Variants in PLPP3 observed in about 807,000 individuals in gnomAD.
The protein encoded by PLPP3 is phospholipid phosphatase 3.
In PLPP3, 6 loss-of-function variants were observed where a neutral mutation model predicts 29.6. The ratio of observed to expected loss-of-function variants is 0.20; its 90% confidence interval spans 0.11 to 0.40. The LOEUF is 0.40. Among genes scored for constraint, PLPP3 ranks in the 10% least tolerant of loss-of-function variants. The pLI is 1.00. For missense variants in PLPP3, 308 were observed against 407.7 expected (o/e 0.76, Z 2.11); for synonymous variants, 152 against 159.7 (o/e 0.95, Z 0.36).
chr1:56,557,000 A>AAAGAAAGAAAG (rs1557513453), intron 1 of PLPP3, among the ~76,000 whole-genome samples: 1 of 10,724 alleles, frequency 9.3e-5, no homozygotes, highest in East Asian at 2.0e-3. Context: ...GAAAGAAAGA[A>AAAGAAAGAAAG]AGAAAGAAAG....
intron 5 of PLPP3, among the ~76,000 whole-genome samples, chr1:56,504,531 T>C (rs748804235): frequency 8.6e-5 from 13 of 151,936 alleles, no homozygotes; most frequent in Non-Finnish European, 1.6e-4. Flanking sequence ...CCAGAAACCA[T>C]CCAATTTTGA....
At chr1:56,531,882 T>C (rs888054789) in intron 2 of PLPP3, among the ~76,000 whole-genome samples, 3 of 152,174 alleles carry the variant, frequency 2.0e-5, no homozygotes, top group Admixed American at 2.0e-4. Context: ...GAGTTTCTGG[T>C]CCATTAAATA....
chr1:56,552,376 G>C (rs934961517), intron 1 of PLPP3, among the ~76,000 whole-genome samples: 5 of 152,030 alleles, frequency 3.3e-5, no homozygotes, highest in African/African-American at 1.2e-4. Context: ...GGTGATTTGA[G>C]AATCACTACT....
intron 5 of PLPP3, among the ~76,000 whole-genome samples, chr1:56,497,111 T>C (rs1645635787): frequency 6.6e-6 from 1 of 152,250 alleles, no homozygotes; most frequent in African/African-American, 2.4e-5. Context: ...TCAGCCAACA[T>C]GAACTCCTAT....
chr1:56,558,520 T>C (rs1343993684), intron 1 of PLPP3, among the ~76,000 whole-genome samples: 1 of 152,264 alleles, frequency 6.6e-6, no homozygotes, highest in Admixed American at 6.5e-5. Context: ...ATGCATTTAT[T>C]TGTTCCAAAG....
chr1:56,527,961 C>T (rs1179322559), intron 2 of PLPP3, among the ~76,000 whole-genome samples: 2 of 152,056 alleles, frequency 1.3e-5, no homozygotes, highest in African/African-American at 4.8e-5. Flanking sequence ...ATAAGCTCTT[C>T]CCTCCCCCTC....
chr1:56,514,667 A>C, intron 4 of PLPP3, among the ~76,000 whole-genome samples: 1 of 152,232 alleles, frequency 6.6e-6, no homozygotes, highest in East Asian at 1.9e-4. Context: ...AGGAAAGAAT[A>C]CTTATTTGAC....
rs1273560377 is a variant in PLPP3 at position 56,557,018 on chromosome 1, G to GAAAGAAGGAAAGAAAGAAAGAAA, written c.140-19907_140-19906insTTTCTTTCTTTCTTTCCTTCTTT. On this transcript the variant is annotated intron_variant, in intron 1 of 5. Transcript: ENST00000371250. Reference sequence around the variant, plus strand: ...AGAAAGAAAGAAAGAAAGAGAGAGAGAGAGAGAAAGAGAGAGAGAGAGAGA... The same window carrying GAAAGAAGGAAAGAAAGAAAGAAA: ...AGAAAGAAAGAAAGAAAGAGAGAGAGAAAGAAGGAAAGAAAGAAAGAAAAGAGAGAAAGAGAGAGAGAGAGAGA... Among the ~76,000 whole-genome samples the GAAAGAAGGAAAGAAAGAAAGAAA allele has an allele frequency of 6.5e-4, 9 of 13,798 alleles. 1 individual carries two copies. Among genetic ancestry groups the GAAAGAAGGAAAGAAAGAAAGAAA allele is most frequent in the Admixed American group, 4.7e-3 (4 of 846 alleles). The allele number at this position is 13,798 out of a possible 152,430, so 9.1% of individuals were successfully genotyped here.
chr1:56,496,417 T>C lies in PLPP3; in HGVS notation c.*134A>G. On this transcript the variant is annotated 3_prime_UTR_variant, in exon 6 of 6. Coordinates refer to ENST00000371250, the MANE Select transcript of PLPP3 (RefSeq NM_003713.5). ...TTTTGGAAGGCCACATAGTAAAACATTTTTTTTTTCCTTTTTAAAAATCAG... is the reference window on the plus strand; with the variant it reads ...TTTTGGAAGGCCACATAGTAAAACACTTTTTTTTTCCTTTTTAAAAATCAG... The C allele has an allele frequency of 2.2e-6, 2 of 914,486 alleles. No homozygotes were observed. The highest frequency in any genetic ancestry group is 3.2e-5 in the East Asian group (1 of 30,840). 56.6% of individuals were successfully genotyped at this position (914,486 alleles called of 1,614,324 possible). A position where few individuals can be genotyped will look rare whatever the true frequency, so the allele number is the denominator to read the frequency against.
chr1:56,533,903 G>A (rs112429198), intron 2 of PLPP3, among the ~76,000 whole-genome samples: 8,548 of 152,226 alleles, frequency 0.056, 325 homozygotes, highest in Non-Finnish European at 0.079. Context: ...CTCTAGTTAG[G>A]AATATTATTA....
intron 4 of PLPP3, among the ~76,000 whole-genome samples, chr1:56,514,833 T>C (rs528122540): frequency 1.3e-5 from 2 of 152,312 alleles, no homozygotes; most frequent in South Asian, 4.1e-4. Flanking sequence ...TGGGTCACTA[T>C]AGGCAATACC....
At chr1:56,537,139 A>G (rs2100266083) in intron 1 of PLPP3, 27 bp from the exon 2 acceptor site, 1 of 1,594,860 alleles carries the variant, frequency 6.3e-7, no homozygotes, top group East Asian at 2.2e-5. Flanking sequence ...CATGGCATAT[A>G]CCAGAAAAAA....
rs1326912977 is a variant in PLPP3, at chr1:56,551,304, C to CTTT, written c.140-14193_140-14192insAAA. Among the ~76,000 whole-genome samples the CTTT allele has an allele frequency of 1.1e-3, 158 of 137,814 alleles. 5 individuals are homozygous for CTTT. Among genetic ancestry groups the CTTT allele is most frequent in the Middle Eastern group, 3.6e-3 (1 of 274 alleles). The allele number at this position is 137,814 out of a possible 152,430, so 90.4% of individuals were successfully genotyped here. On this transcript the variant is annotated intron_variant, in intron 1 of 5. Transcript: ENST00000371250. ...GGGTTTGGTTTGGTTCGGTTCGGTT[C>CTTT]GGTTCGGTTCGGTTCGGTTTGGTGG...
At chr1:56,557,032 GAGAGAGAGAGAGAGAGA>G (rs1646086325) in intron 1 of PLPP3, among the ~76,000 whole-genome samples, 3 of 11,112 alleles carry the variant, frequency 2.7e-4, no homozygotes, top group Admixed American at 1.3e-3. Context: ...GAGAAAGAGA[GAGAGAGAGAGAGAGAGA>G]GAGAGAGAGA....
chr1:56,503,959 T>C (rs1366982921), intron 5 of PLPP3, among the ~76,000 whole-genome samples: 1 of 152,072 alleles, frequency 6.6e-6, no homozygotes, highest in Non-Finnish European at 1.5e-5. Flanking sequence ...TGTATTTTTT[T>C]AGTAGAGACG....
At chr1:56,540,420 C>T (rs1423060296) in intron 1 of PLPP3, among the ~76,000 whole-genome samples, 1 of 151,844 alleles carries the variant, frequency 6.6e-6, no homozygotes, top group Non-Finnish European at 1.5e-5. Flanking sequence ...ACTGTGGACA[C>T]TCAATGAATG....
intron 1 of PLPP3, among the ~76,000 whole-genome samples, chr1:56,540,778 T>C (rs763020035): frequency 4.6e-5 from 7 of 152,242 alleles, no homozygotes; most frequent in Non-Finnish European, 1.0e-4. Context: ...CTTCAGTTGA[T>C]GGGAAAAGCA....
At chr1:56,520,368 G>C (rs1168451623) in intron 4 of PLPP3, among the ~76,000 whole-genome samples, 2 of 152,022 alleles carry the variant, frequency 1.3e-5, no homozygotes, top group African/African-American at 2.4e-5. Flanking sequence ...ACACCCCAGG[G>C]AAGCTATGAA....
At chr1:56,507,382 T>C (rs985457598) in intron 5 of PLPP3, among the ~76,000 whole-genome samples, 1 of 152,204 alleles carries the variant, frequency 6.6e-6, no homozygotes, top group African/African-American at 2.4e-5. Context: ...AGCTAATTCA[T>C]CATTCACCAT....
Sources: allele counts gnomAD v4.1 joint callset (sites outside exome capture counted in the v4.1 genomes callset), GRCh38; gene constraint gnomAD v4.1.1; transcripts MANE v1.5; gene names NCBI Gene and HGNC (gene_info 2026-07-23, HGNC 2026-07-21).